The following CFAP299 variants were observed in gnomAD, a reference collection of about 807,000 sequenced individuals.
CFAP299 encodes cilia- and flagella-associated protein 299.
In CFAP299, 21 loss-of-function variants were observed where a neutral mutation model predicts 27.0. That is an observed-to-expected ratio of 0.78 (90% CI 0.55 to 1.12). The LOEUF (loss-of-function observed/expected upper bound fraction) is 1.12, where lower values mean the gene tolerates loss of function less well. Among genes scored for constraint, CFAP299 ranks in the 50% most tolerant of loss-of-function variants. The pLI is 0.00. For missense variants in CFAP299, 310 were observed against 276.6 expected, an observed-to-expected ratio of 1.12 and a Z score of -0.86; for synonymous variants, 104 against 98.1, an observed-to-expected ratio of 1.06 and a Z score of -0.36.
chr4:80,415,527 A>C (rs536230411), intron 2 of CFAP299, among the ~76,000 whole-genome samples: 124 of 152,282 alleles, frequency 8.1e-4, no homozygotes, highest in African/African-American at 2.8e-3. Context: ...TTTAACTGGT[A>C]GTTTATATAA....
chr4:80,722,303 GC>G (rs1282734372), intron 3 of CFAP299, among the ~76,000 whole-genome samples: 1 of 151,922 alleles, frequency 6.6e-6, no homozygotes, highest in Non-Finnish European at 1.5e-5. Context: ...TGTAATCCCA[GC>G]TACTCGGAAG....
Position 80,503,978 on chromosome 4 carries a change from GCAAAGAAA to G in CFAP299, c.243-79112_243-79105del, listed in dbSNP as rs1046077705. Among the ~76,000 whole-genome samples, 849 of 152,210 alleles carry G rather than the reference GCAAAGAAA, an allele frequency of 5.6e-3. 6 individuals carry two copies. Among genetic ancestry groups the G allele is most frequent in the African/African-American group, 0.019 (800 of 41,530 alleles). ...GTAGGAGGTAGAGATGAATTTATGA[GCAAAGAAA>G]CATGATTCATTCCTTTGTGAATTTT... On this transcript the variant is annotated intron_variant, in intron 2 of 5. Coordinates refer to ENST00000358105, the MANE Select transcript of CFAP299 (RefSeq NM_152770.3).
chr4:80,583,520 G>A (rs1045744275), intron 3 of CFAP299, among the ~76,000 whole-genome samples: 7 of 151,838 alleles, frequency 4.6e-5, no homozygotes, highest in Non-Finnish European at 8.8e-5. Flanking sequence ...ATCACCCACT[G>A]ACCCTAAGTT....
chr4:80,811,205 G>A (rs1729137381), intron 3 of CFAP299, among the ~76,000 whole-genome samples: 1 of 152,006 alleles, frequency 6.6e-6, no homozygotes. Context: ...CAACTTTTCA[G>A]TGATATGTAA....
chr4:80,410,333 A>G (rs1010261210), intron 2 of CFAP299, among the ~76,000 whole-genome samples: 2 of 152,134 alleles, frequency 1.3e-5, no homozygotes, highest in African/African-American at 4.8e-5. Flanking sequence ...GCCTTGGATG[A>G]TTTGCGTGTC....
intron 3 of CFAP299, among the ~76,000 whole-genome samples, chr4:80,799,801 T>TTATATA (rs1728237349): frequency 2.8e-5 from 1 of 35,182 alleles, no homozygotes; most frequent in African/African-American, 1.6e-4. Context: ...TTATATTATA[T>TTATATA]AATATATAAA....
chr4:80,860,579 G>A (rs903228248), intron 3 of CFAP299, among the ~76,000 whole-genome samples: 1 of 152,038 alleles, frequency 6.6e-6, no homozygotes, highest in African/African-American at 2.4e-5. Flanking sequence ...TGTACAGATG[G>A]GTTTTTGGTG....
In CFAP299 at chr4:80,756,985, C is replaced by T. The variant is rs979382405; in HGVS notation, c.334-113008C>T. ...GACATTCACGATTACATTAAGCTAACATTGATACTTCCCCAAGAATGTGAA... is the reference window on the plus strand; with the variant it reads ...GACATTCACGATTACATTAAGCTAATATTGATACTTCCCCAAGAATGTGAA... On this transcript the variant is annotated intron_variant, in intron 3 of 5. Coordinates refer to ENST00000358105, the MANE Select transcript of CFAP299 (RefSeq NM_152770.3). Among the ~76,000 whole-genome samples, 9 of 152,202 alleles carry T rather than the reference C, an allele frequency of 5.9e-5. No individual in the cohort carries two copies. In the East Asian group the frequency reaches 1.7e-3, roughly 29 times the overall value.
At chr4:80,896,905 A>G (rs182880840) in intron 4 of CFAP299, among the ~76,000 whole-genome samples, 1 of 152,306 alleles carries the variant, frequency 6.6e-6, no homozygotes, top group Non-Finnish European at 1.5e-5. Flanking sequence ...GGGCTATATT[A>G]ATGCATCTGA....
intron 2 of CFAP299, among the ~76,000 whole-genome samples, chr4:80,406,261 G>C (rs1452092797): frequency 6.6e-6 from 1 of 152,204 alleles, no homozygotes; most frequent in African/African-American, 2.4e-5. Context: ...TAGTTCAACA[G>C]ATCCTTAAAT....
intron 2 of CFAP299, among the ~76,000 whole-genome samples, chr4:80,381,901 T>C (rs1471412006): frequency 6.6e-6 from 1 of 152,182 alleles, no homozygotes; most frequent in East Asian, 1.9e-4. Context: ...CCTTCTACTA[T>C]CTTCCTTCTA....
chr4:80,662,118 T>C (rs972350955), intron 3 of CFAP299, among the ~76,000 whole-genome samples: 2 of 152,164 alleles, frequency 1.3e-5, no homozygotes, highest in African/African-American at 2.4e-5. Context: ...GGTCCTGTGA[T>C]CTCGCCCTGC....
Position 80,362,983 on chromosome 4 carries a change from G to A in CFAP299, c.242+99G>A, listed in dbSNP as rs192649693. ...TTGTTTAATTTAGAAGCACTGGGTG[G>A]AGCAGGTAAAACTTGGAATATCCTA... is the stretch of plus-strand genomic sequence containing the variant. On this transcript the variant is annotated intron_variant, in intron 2 of 5. Transcript: ENST00000358105. 5 of 1,341,658 alleles carry A rather than the reference G, an allele frequency of 3.7e-6. No individual in the cohort carries two copies. In the African/African-American group the frequency reaches 4.4e-5, roughly 12 times the overall value. The allele number at this position is 1,341,658 out of a possible 1,614,324, so 83.1% of individuals were successfully genotyped here.
intron 2 of CFAP299, among the ~76,000 whole-genome samples, chr4:80,563,571 C>G (rs534918984): frequency 2.0e-4 from 31 of 151,840 alleles, no homozygotes; most frequent in African/African-American, 7.5e-4. Flanking sequence ...AAGTTTATCA[C>G]TATAAGTGCC....
chr4:80,799,878 T>TAATATATATAA (rs1320324779), intron 3 of CFAP299, among the ~76,000 whole-genome samples: 2 of 38,976 alleles, frequency 5.1e-5, no homozygotes, highest in South Asian at 8.9e-4. Context: ...ATATATTATA[T>TAATATATATAA]TATATAATAT....
In CFAP299 at chr4:80,912,589, G is replaced by A. The variant is rs150288450; in HGVS notation, c.477-32221G>A. ...TAACAGACAGAGCAGAGCTGCAGTCGGACCACAGACAAGGGAGAGGTGACA... is the reference window on the plus strand; with the variant it reads ...TAACAGACAGAGCAGAGCTGCAGTCAGACCACAGACAAGGGAGAGGTGACA... On this transcript the variant is annotated intron_variant, in intron 4 of 5. Coordinates refer to ENST00000358105, the MANE Select transcript of CFAP299 (RefSeq NM_152770.3). Among the ~76,000 whole-genome samples the A allele has an allele frequency of 5.5e-4, 84 of 152,210 alleles. No homozygotes were observed. In the East Asian group the frequency reaches 0.013, roughly 24 times the overall value.
At chr4:80,799,927 T>TTATATATTATATATAATATATATA (rs1728294826) in intron 3 of CFAP299, among the ~76,000 whole-genome samples, 1 of 44,512 alleles carries the variant, frequency 2.2e-5, no homozygotes, top group Non-Finnish European at 3.6e-5. Context: ...AATATATATA[T>TTATATATTATATATAATATATATA]TTATATATTA....
intron 3 of CFAP299, among the ~76,000 whole-genome samples, chr4:80,745,639 A>G (rs1171124097): frequency 6.6e-6 from 1 of 152,088 alleles, no homozygotes; most frequent in African/African-American, 2.4e-5. Flanking sequence ...TATTATTAAT[A>G]TCTTAATATG....
chr4:80,800,550 CAATATATT>C (rs1323151889), intron 3 of CFAP299, among the ~76,000 whole-genome samples: 3,658 of 18,712 alleles, frequency 0.2, 353 homozygotes, highest in African/African-American at 0.32. Context: ...TATAATATAT[CAATATATT>C]ATATAATATA....
Sources: allele counts gnomAD v4.1 joint callset (sites outside exome capture counted in the v4.1 genomes callset), GRCh38; gene constraint gnomAD v4.1.1; transcripts MANE v1.5; gene names NCBI Gene and HGNC (gene_info 2026-07-23, HGNC 2026-07-21).